Variants in SIPA1L2 observed in about 807,000 individuals in gnomAD.
SIPA1L2 encodes the protein signal induced proliferation associated 1 like 2, also known as signal-induced proliferation-associated 1-like protein 2.
Under a neutral mutation model 163.9 loss-of-function variants are expected in SIPA1L2, and 56 were observed. The ratio of observed to expected loss-of-function variants is 0.34; its 90% confidence interval spans 0.28 to 0.43. The LOEUF (loss-of-function observed/expected upper bound fraction) is 0.43, where lower values mean the gene tolerates loss of function less well. Among genes scored for constraint, SIPA1L2 ranks in the 20% least tolerant of loss-of-function variants. The pLI is 1.00. For missense variants in SIPA1L2, 1,974 were observed against 2,193.5 expected, an observed-to-expected ratio of 0.90 and a Z score of 2.00; for synonymous variants, 877 against 865.7, an observed-to-expected ratio of 1.01 and a Z score of -0.23.
chr1:232,621,787 A>G (rs12402586), intron 1 of SIPA1L2, among the ~76,000 whole-genome samples: 2,113 of 151,460 alleles, frequency 0.014, 143 homozygotes, highest in Admixed American at 0.12. Flanking sequence ...GTTGGGGTCC[A>G]CTGGCACGAT....
chr1:232,524,024 A>G (rs183887279), intron 2 of SIPA1L2, among the ~76,000 whole-genome samples: 80 of 152,284 alleles, frequency 5.3e-4, no homozygotes, highest in Non-Finnish European at 9.7e-4. Context: ...ACTCACACAC[A>G]CTGAAAGCCA....
rs1664467951 is a variant in SIPA1L2 at position 232,465,543 on chromosome 1, CACACAT to C, written c.2244-133_2244-128del. ...ACACACACACACACACATATACATA[CACACAT>C]ACACACACACTTTCAACTTAACTGG... On this transcript the variant is annotated intron_variant, in intron 8 of 22. Transcript: ENST00000674635. This position sits in a 1 kb window ranked among gnomAD's most constrained non-coding sequence, Gnocchi z 4.1. The C allele has an allele frequency of 6.7e-6, 5 of 743,616 alleles. No individual in the cohort carries two copies. The Admixed American group carries it at 1.3e-4, about 19-fold the overall frequency. 46.1% of individuals were successfully genotyped at this position (743,616 alleles called of 1,614,324 possible). A position where few individuals can be genotyped will look rare whatever the true frequency, so the allele number is the denominator to read the frequency against.
intron 1 of SIPA1L2, among the ~76,000 whole-genome samples, chr1:232,612,253 G>A (rs1573174703): frequency 6.6e-6 from 1 of 152,328 alleles, no homozygotes; most frequent in South Asian, 2.1e-4. Context: ...CTAGGGCAGT[G>A]TAAAAGGGAA....
In SIPA1L2 at chr1:232,432,323, T is replaced by C. The variant is rs1662290914; in HGVS notation, c.4180A>G (p.Asn1394Asp). ...TTCTTCCAGCCGATGACATATTTGT[T>C]CACTGCCCCTTGTCTGTGGTAGGGC... Reference protein sequence around the residue: ...SKPYHRQGAVNKYVIGWKKSE... With the variant: ...SKPYHRQGAVDKYVIGWKKSE... The change falls in exon 16 of 23, where the codon AAC becomes GAC. Residue 1394 changes from asparagine to aspartate, a missense_variant. Around this residue, in one of 3 missense-constraint regions of SIPA1L2, gnomAD observed 1,079 missense variants for 1,150.7 expected, o/e 0.94. Transcript: ENST00000674635. 6.2e-7 allele frequency: 1 copy of C among 1,614,054 alleles called. No homozygotes were observed. The highest frequency in any genetic ancestry group is 1.3e-5 in the African/African-American group (1 of 74,916).
chr1:232,404,088 G>A (rs1192006675), intron 20 of SIPA1L2, 37 bp downstream of exon 20: 3 of 1,611,586 alleles, frequency 1.9e-6, no homozygotes, highest in Non-Finnish European at 2.5e-6. Flanking sequence ...AAAGGTTACA[G>A]GATATCAGGA....
rs1291332807 is a variant in SIPA1L2, at chr1:232,514,624, G to C, written c.716C>G (p.Ala239Gly). 8 of 1,614,170 alleles carry C rather than the reference G, an allele frequency of 5.0e-6. No homozygotes were observed. Among genetic ancestry groups the C allele is most frequent in the Non-Finnish European group, 6.8e-6 (8 of 1,180,028 alleles). ...TGCTGCATGAAGGCTCGGAGAGATTGCAGGGTCACAGCGGAAAAATTCAGG... is the reference window on the plus strand; with the variant it reads ...TGCTGCATGAAGGCTCGGAGAGATTCCAGGGTCACAGCGGAAAAATTCAGG... ...GFPEFFRCDP[A>G]ISPSLHAAAQ... The change falls in exon 3 of 23, where the codon GCA becomes GGA. Residue 239 changes from alanine (A) to glycine (G), a missense_variant. Transcript: ENST00000674635.
At chr1:232,467,652 C>T (rs1179877158) in intron 8 of SIPA1L2, among the ~76,000 whole-genome samples, 1 of 152,196 alleles carries the variant, frequency 6.6e-6, no homozygotes, top group Non-Finnish European at 1.5e-5. Context: ...TATCACCGCT[C>T]CTAAATTTGG....
rs369070293 is a variant in SIPA1L2, at chr1:232,537,536, A to G, written c.-269-21928T>C. Among the ~76,000 whole-genome samples the G allele has an allele frequency of 5.9e-5, 9 of 152,214 alleles. No individual in the cohort carries two copies. The East Asian group carries it at 1.7e-3, about 29-fold the overall frequency. ...GAATACTTCACAAAATAGGAAAATG[A>G]TAAATTTTCTTAATTTAAAAATCCC... On this transcript the variant is annotated intron_variant, in intron 2 of 22. Transcript: ENST00000674635.
rs780673809 is a variant in SIPA1L2, at chr1:232,428,547, T to C, written c.4274A>G (p.Asp1425Gly). The change falls in exon 17 of 23, where the codon GAT (aspartate) becomes GGT (glycine). Residue 1425 changes from aspartate to glycine, a missense_variant. Physicochemically the swap from Asp to Gly is moderately conservative, Grantham distance 94. Around this residue, in one of 3 missense-constraint regions of SIPA1L2, gnomAD observed 1,079 missense variants for 1,150.7 expected, o/e 0.94. Coordinates refer to ENST00000674635, the MANE Select transcript of SIPA1L2 (RefSeq NM_020808.5). Reference protein sequence around the residue: ...TECPGMYSEMDVMSTATQHQT... With the variant: ...TECPGMYSEMGVMSTATQHQT... ...ATGCTGAGTTGCTGTGGACATGACA[T>C]CCATCTCACTATACATCCTGTTGAA... 6.3e-7 allele frequency: 1 copy of C among 1,580,468 alleles called. No individual in the cohort carries two copies. Among genetic ancestry groups the C allele is most frequent in the Admixed American group, 1.9e-5 (1 of 53,038 alleles).
intron 4 of SIPA1L2, among the ~76,000 whole-genome samples, chr1:232,492,210 G>C (rs1409183394): frequency 6.6e-6 from 1 of 151,966 alleles, no homozygotes; most frequent in Non-Finnish European, 1.5e-5. Context: ...AACTAGAAAA[G>C]GGCTCTGTGT....
intron 18 of SIPA1L2, 48 bp from the exon 19 acceptor site, chr1:232,415,673 C>A (rs1047487259): frequency 7.4e-6 from 12 of 1,610,854 alleles, no homozygotes; most frequent in Middle Eastern, 1.6e-4. Context: ...ACAGCACGGG[C>A]ACCAGCCCAG....
In SIPA1L2 at chr1:232,514,962, T is replaced by C; in HGVS notation, c.378A>G (p.Gln126=). ...CGAAGTCCAGATCGAGCTGTTCATC[T>C]TGCTGACCTTCACTCTGGTCACTCT... is the stretch of plus-strand genomic sequence containing the variant. ...NGQSDQSEGQ[Q]DEQLDLDFVE... The change falls in exon 3 of 23, where the codon CAA becomes CAG. Residue 126 remains glutamine, a synonymous_variant. Transcript: ENST00000674635. 1 of 1,614,224 alleles carries C rather than the reference T, an allele frequency of 6.2e-7. No individual in the cohort carries two copies. The highest frequency in any genetic ancestry group is 1.3e-5 in the African/African-American group (1 of 75,068).
intron 9 of SIPA1L2, among the ~76,000 whole-genome samples, chr1:232,461,621 G>A (rs78436579): frequency 0.011 from 1,683 of 152,224 alleles, 52 homozygotes; most frequent in Admixed American, 0.054. Context: ...ACCATTACAA[G>A]TTTCAACCAG....
intron 1 of SIPA1L2, among the ~76,000 whole-genome samples, chr1:232,611,216 C>T (rs1007468818): frequency 6.6e-6 from 1 of 152,202 alleles, no homozygotes; most frequent in Non-Finnish European, 1.5e-5. Context: ...CCATGTGGAA[C>T]TCCAGTTAAA....
At chr1:232,559,514 A>G (rs1170351950) in intron 2 of SIPA1L2, among the ~76,000 whole-genome samples, 1 of 152,214 alleles carries the variant, frequency 6.6e-6, no homozygotes, top group Non-Finnish European at 1.5e-5. Context: ...GCATAAAAAT[A>G]CTATTTATAA....
At chr1:232,594,276 C>A (rs1306540189) in intron 1 of SIPA1L2, among the ~76,000 whole-genome samples, 1 of 152,108 alleles carries the variant, frequency 6.6e-6, no homozygotes, top group African/African-American at 2.4e-5. Context: ...GGAAAGGAGA[C>A]AGTGGTAGAG....
At chr1:232,580,695 C>T (rs1029274508) in intron 1 of SIPA1L2, among the ~76,000 whole-genome samples, 3 of 151,998 alleles carry the variant, frequency 2.0e-5, no homozygotes, top group Non-Finnish European at 1.5e-5. Flanking sequence ...TTATAGGTGT[C>T]AGACTCTCAG....
intron 9 of SIPA1L2, among the ~76,000 whole-genome samples, chr1:232,464,269 G>A (rs551892147): frequency 1.3e-5 from 2 of 152,238 alleles, no homozygotes; most frequent in African/African-American, 4.8e-5. Context: ...TAAGGGTTTT[G>A]CACTAAAAAT....
intron 21 of SIPA1L2, 46 bp downstream of exon 21, chr1:232,403,402 C>T (rs772571726): frequency 7.5e-6 from 12 of 1,592,112 alleles, no homozygotes; most frequent in African/African-American, 4.0e-5. Context: ...CTTGGCTAAT[C>T]ATGCCTGGAA....
Sources: gnomAD v4.1 joint callset for allele counts (sites outside exome capture counted in the v4.1 genomes callset) on GRCh38, gnomAD v4.1.1 for gene constraint, gnomAD v4.1.1 regional missense constraint, Gnocchi (gnomAD v3.1) non-coding constraint, MANE v1.5 for transcripts, NCBI Gene and HGNC (gene_info 2026-07-23, HGNC 2026-07-21) for gene names.